PRKAR1B: variants seen among roughly 807,000 people sequenced by gnomAD.
PRKAR1B encodes cAMP-dependent protein kinase type I-beta regulatory subunit.
PRKAR1B carries 22 observed loss-of-function variants against 46.5 expected under a neutral mutation model. The observed-to-expected ratio is 0.47, with a 90% CI of 0.34 to 0.68. The LOEUF (loss-of-function observed/expected upper bound fraction) is 0.68, where lower values mean the gene tolerates loss of function less well. Among genes scored for constraint, PRKAR1B ranks in the 30% least tolerant of loss-of-function variants. The probability of loss-of-function intolerance (pLI) is 0.01; values close to 1 mark genes in which losing one functional copy is unlikely to be tolerated. For synonymous variants in PRKAR1B, 259 were observed against 217.7 expected (o/e 1.19, Z -1.67); for missense variants, 445 against 535.6 (o/e 0.83, Z 1.67).
intron 3 of PRKAR1B, among the ~76,000 whole-genome samples, chr7:678,131 A>G (rs1218694347): frequency 1.3e-5 from 2 of 150,848 alleles, no homozygotes; most frequent in Non-Finnish European, 2.9e-5. Flanking sequence ...ATTAGCTGGG[A>G]AAGGTGGTGG....
chr7:640,622 G>T (rs1332802732), intron 4 of PRKAR1B, among the ~76,000 whole-genome samples: 2 of 152,050 alleles, frequency 1.3e-5, no homozygotes, highest in Non-Finnish European at 2.9e-5. Context: ...AATTAGCCGG[G>T]TGTGGTGGCA....
chr7:587,807 G>C (rs991550853), intron 7 of PRKAR1B, among the ~76,000 whole-genome samples: 2 of 152,242 alleles, frequency 1.3e-5, no homozygotes, highest in African/African-American at 2.4e-5. Context: ...TGAAGGAAGG[G>C]AGATGGATTG....
chr7:675,022 A>G (rs1786497809), intron 4 of PRKAR1B, among the ~76,000 whole-genome samples: 2 of 152,170 alleles, frequency 1.3e-5, no homozygotes, highest in Admixed American at 1.3e-4. Flanking sequence ...ACCAACACCC[A>G]TCGGGATCTT....
rs112642114 is a variant in PRKAR1B at position 550,117 on chromosome 7, G to C, written c.*313C>G. On this transcript the variant is annotated 3_prime_UTR_variant, in exon 11 of 11. Coordinates refer to ENST00000537384, the MANE Select transcript of PRKAR1B (RefSeq NM_001164760.2). ...GAGGACCGATCCTCAAGCATCTCCA[G>C]GAGACTGGCAGGGGTGGGGTGGGCC... 4.7e-3 allele frequency: 1,784 copies of C among 377,944 alleles called. 18 individuals are homozygous for C. Among genetic ancestry groups the C allele is most frequent in the African/African-American group, 0.015 (715 of 47,356 alleles). The allele number at this position is 377,944 out of a possible 1,614,324, so 23.4% of individuals were successfully genotyped here.
At chr7:692,381 C>T (rs917748989) in intron 2 of PRKAR1B, among the ~76,000 whole-genome samples, 5 of 151,864 alleles carry the variant, frequency 3.3e-5, no homozygotes, top group Admixed American at 2.6e-4. Flanking sequence ...GCCTGGGCAA[C>T]AAGGGCGAAG....
chr7:550,333 G>T lies in PRKAR1B; in HGVS notation c.*97C>A. The stretch of plus-strand genomic sequence containing the variant: ...CGCTGCCGGGACCCAGCCCCACCCG[G>T]CCCACACCTCACACAGCGGCTCCCG... On this transcript the variant is annotated 3_prime_UTR_variant, in exon 11 of 11. Coordinates refer to ENST00000537384, the MANE Select transcript of PRKAR1B (RefSeq NM_001164760.2). 1 of 1,174,952 alleles carries T rather than the reference G, an allele frequency of 8.5e-7. No homozygotes were observed. Among genetic ancestry groups the T allele is most frequent in the Non-Finnish European group, 1.2e-6 (1 of 818,770 alleles). The allele number at this position is 1,174,952 out of a possible 1,614,324, so 72.8% of individuals were successfully genotyped here.
At chr7:554,440 C>T (rs183324723) in intron 9 of PRKAR1B, among the ~76,000 whole-genome samples, 11 of 152,388 alleles carry the variant, frequency 7.2e-5, no homozygotes, top group Admixed American at 2.6e-4. Flanking sequence ...CTCTCAGAAT[C>T]CAGGCGATGA....
rs377032805 is a variant in PRKAR1B, at chr7:676,929, G to A, written c.440+300C>T. Reference sequence around the variant, plus strand: ...GTGGTGATTCCCGGGCAAGCAACGGGGCCTGCCCACCTCCCGGAGGGCAAG... The same window carrying A: ...GTGGTGATTCCCGGGCAAGCAACGGAGCCTGCCCACCTCCCGGAGGGCAAG... On this transcript the variant is annotated intron_variant, in intron 4 of 10. Coordinates refer to ENST00000537384, the MANE Select transcript of PRKAR1B (RefSeq NM_001164760.2). 2.4e-4 allele frequency among the ~76,000 whole-genome samples: 36 copies of A among 149,356 alleles called. No homozygotes were observed. The East Asian group carries it at 7.0e-3, about 29-fold the overall frequency.
intron 1 of PRKAR1B, among the ~76,000 whole-genome samples, chr7:715,560 C>G (rs1398027078): frequency 6.6e-5 from 10 of 152,088 alleles, no homozygotes; most frequent in Admixed American, 6.6e-4. Flanking sequence ...AGGGAAGGAC[C>G]TACCCCCTGG....
intron 2 of PRKAR1B, among the ~76,000 whole-genome samples, chr7:705,065 G>A (rs1229305209): frequency 6.6e-6 from 1 of 152,136 alleles, no homozygotes; most frequent in Non-Finnish European, 1.5e-5. Flanking sequence ...GCTGAGGCGG[G>A]TGGAGCATCT....
intron 7 of PRKAR1B, among the ~76,000 whole-genome samples, chr7:588,224 CT>C (rs200871771): frequency 0.02 from 2,994 of 152,344 alleles, 84 homozygotes; most frequent in African/African-American, 0.061. Flanking sequence ...GACACCCACC[CT>C]CCCCTGCCTT....
At chr7:582,484 G>C (rs1343856154) in intron 8 of PRKAR1B, among the ~76,000 whole-genome samples, 3 of 152,268 alleles carry the variant, frequency 2.0e-5, no homozygotes, top group African/African-American at 4.8e-5. Flanking sequence ...ATCGTGCCTT[G>C]TGGTTACTCT....
chr7:695,176 GCT>G (rs1427317924), intron 2 of PRKAR1B, among the ~76,000 whole-genome samples: 2 of 152,174 alleles, frequency 1.3e-5, no homozygotes, highest in Non-Finnish European at 2.9e-5. Context: ...ACTCACAGTC[GCT>G]CTGTGATCGG....
chr7:713,099 T>C (rs1216625843), intron 1 of PRKAR1B: 2 of 152,276 alleles, frequency 1.3e-5, no homozygotes, highest in African/African-American at 2.4e-5. Context: ...GAGGAGCCTC[T>C]TGGTGACGGT....
chr7:550,372 G>A lies in PRKAR1B; in HGVS notation c.*58C>T. On this transcript the variant is annotated 3_prime_UTR_variant, in exon 11 of 11. Transcript: ENST00000537384. ...CAGCGGCTCCCGGGCCCCCGACACA[G>A]ACGAGCAGGGCACGGCCACCACACT... 2 of 1,516,116 alleles carry A rather than the reference G, an allele frequency of 1.3e-6. No homozygotes were observed. Among genetic ancestry groups the A allele is most frequent in the South Asian group, 1.2e-5 (1 of 82,886 alleles). 93.9% of individuals were successfully genotyped at this position (1,516,116 alleles called of 1,614,324 possible). A position where few individuals can be genotyped will look rare whatever the true frequency, so the allele number is the denominator to read the frequency against.
chr7:642,728 G>C (rs112695119), intron 4 of PRKAR1B, among the ~76,000 whole-genome samples: 2 of 138,230 alleles, frequency 1.4e-5, no homozygotes, highest in East Asian at 4.0e-4. Flanking sequence ...GCGAGACTCC[G>C]TCTCAAAAAA....
intron 4 of PRKAR1B, among the ~76,000 whole-genome samples, chr7:626,896 A>AGAG (rs1783432530): frequency 6.6e-6 from 1 of 151,672 alleles, no homozygotes; most frequent in Non-Finnish European, 1.5e-5. Flanking sequence ...TTTATTTATT[A>AGAG]AGATGGAGTC....
chr7:583,806 ACT>A (rs66552203), intron 8 of PRKAR1B, among the ~76,000 whole-genome samples: 62,518 of 150,208 alleles, frequency 0.42, 13,435 homozygotes, highest in African/African-American at 0.48. Flanking sequence ...TCACATGCAC[ACT>A]CATGCACACA....
chr7:580,824 A>T (rs1388161347), intron 8 of PRKAR1B, among the ~76,000 whole-genome samples: 1 of 152,128 alleles, frequency 6.6e-6, no homozygotes, highest in Non-Finnish European at 1.5e-5. Context: ...GCTAAAAATA[A>T]AAAGCAAAGC....
Sources: gnomAD v4.1 joint callset for allele counts (sites outside exome capture counted in the v4.1 genomes callset) on GRCh38, gnomAD v4.1.1 for gene constraint, MANE v1.5 for transcripts, NCBI Gene and HGNC (gene_info 2026-07-23, HGNC 2026-07-21) for gene names.